The following ZNF804B variants were observed in gnomAD, a reference collection of about 807,000 sequenced individuals.
ZNF804B encodes zinc finger protein 804B.
In ZNF804B, 80 loss-of-function variants were observed where a neutral mutation model predicts 101.4. That is an observed-to-expected ratio of 0.79 (90% CI 0.66 to 0.95). The LOEUF (loss-of-function observed/expected upper bound fraction) is 0.95. ZNF804B is among the 40% of genes least tolerant of loss of function. The probability of loss-of-function intolerance (pLI) is 0.00; values close to 1 mark genes in which losing one functional copy is unlikely to be tolerated. For missense variants in ZNF804B, 1,673 were observed against 1,561.9 expected (o/e 1.07, Z -1.20); for synonymous variants, 622 against 558.8 (o/e 1.11, Z -1.59).
At chr7:88,779,518 A>C (rs947036043) in intron 1 of ZNF804B, among the ~76,000 whole-genome samples, 1 of 152,172 alleles carries the variant, frequency 6.6e-6, no homozygotes, top group Non-Finnish European at 1.5e-5. Context: ...TGCAGGAAGC[A>C]CTCACTATAT....
chr7:89,171,438 CCTT>C lies in ZNF804B; in HGVS notation c.109-46703_109-46701del, dbSNP rs200392935. On this transcript the variant is annotated intron_variant, in intron 1 of 3. Transcript: ENST00000333190. ...TTCTTCTCCTTCTCCTTCTCCTTCT[CCTT>C]CTTCTTCTTCTTCGACAGAGTCTTC... Among the ~76,000 whole-genome samples the C allele has an allele frequency of 9.2e-3, 1,293 of 140,760 alleles. 25 individuals carry two copies. The highest frequency in any genetic ancestry group is 0.022 in the Middle Eastern group (6 of 274). 92.3% of individuals were successfully genotyped at this position (140,760 alleles called of 152,430 possible).
In ZNF804B at chr7:89,336,848, C is replaced by G; in HGVS notation, c.3866C>G (p.Thr1289Arg). The G allele has an allele frequency of 6.2e-7, 1 of 1,614,118 alleles. No homozygotes were observed. The highest frequency in any genetic ancestry group is 8.5e-7 in the Non-Finnish European group (1 of 1,180,006). The change falls in exon 4 of 4, where the codon ACA (threonine) becomes AGA (arginine). Residue 1289 changes from threonine to arginine, a missense_variant. Thr to Arg is a moderately conservative substitution (Grantham distance 71). Transcript: ENST00000333190. ...SHITLQPLPPTAFIPTLFGPH... is the reference protein window; with the variant it reads ...SHITLQPLPPRAFIPTLFGPH... ...ATAACACTTCAGCCTCTGCCCCCTA[C>G]AGCATTTATTCCTACATTGTTTGGT...
chr7:89,050,458 A>G (rs1030865877), intron 1 of ZNF804B, among the ~76,000 whole-genome samples: 3 of 152,176 alleles, frequency 2.0e-5, no homozygotes, highest in Non-Finnish European at 2.9e-5. Flanking sequence ...TGCTTGCTGT[A>G]TGGTTAGTGG....
chr7:89,335,662 G>A lies in ZNF804B; in HGVS notation c.2680G>A (p.Gly894Arg), dbSNP rs377052292. The A allele has an allele frequency of 4.3e-6, 7 of 1,613,978 alleles. No homozygotes were observed. The highest frequency in any genetic ancestry group is 1.7e-5 in the Admixed American group (1 of 59,938). Reference sequence around the variant, plus strand: ...AGTCAGGCCCATGAAGTGTAACTCCGGGAATATCAGCTGCCTTCTAAAGAA... The same window carrying A: ...AGTCAGGCCCATGAAGTGTAACTCCAGGAATATCAGCTGCCTTCTAAAGAA... Reference protein sequence around the residue: ...GKVRPMKCNSGNISCLLKNCS... With the variant: ...GKVRPMKCNSRNISCLLKNCS... Residue 894 changes from glycine (G) to arginine (R), a missense_variant, in exon 4 of 4, where the codon GGG (glycine) becomes AGG (arginine). Gly to Arg is a moderately radical substitution (Grantham distance 125, BLOSUM62 -2). Coordinates refer to ENST00000333190, the MANE Select transcript of ZNF804B (RefSeq NM_181646.5).
At chr7:88,863,675 G>T (rs1791683430) in intron 1 of ZNF804B, among the ~76,000 whole-genome samples, 1 of 152,204 alleles carries the variant, frequency 6.6e-6, no homozygotes, top group African/African-American at 2.4e-5. Flanking sequence ...GGGTTATTTA[G>T]AGTGGATATC....
At chr7:88,977,664 T>C (rs936449415) in intron 1 of ZNF804B, among the ~76,000 whole-genome samples, 2 of 151,540 alleles carry the variant, frequency 1.3e-5, no homozygotes, top group East Asian at 3.9e-4. Flanking sequence ...GTTTTGGCAA[T>C]TGTGTTTTTC....
At chr7:88,946,394 T>A (rs1259781857) in intron 1 of ZNF804B, among the ~76,000 whole-genome samples, 5 of 151,994 alleles carry the variant, frequency 3.3e-5, no homozygotes, top group Non-Finnish European at 7.4e-5. Flanking sequence ...ATGCATTACA[T>A]TTATTGATTT....
intron 1 of ZNF804B, among the ~76,000 whole-genome samples, chr7:88,994,233 C>G (rs934531717): frequency 1.3e-5 from 2 of 151,912 alleles, no homozygotes; most frequent in African/African-American, 4.8e-5. Context: ...CTAATGCTTT[C>G]AGTTCTAGAA....
At chr7:89,048,253 G>A (rs1789144673) in intron 1 of ZNF804B, among the ~76,000 whole-genome samples, 1 of 151,306 alleles carries the variant, frequency 6.6e-6, no homozygotes, top group Non-Finnish European at 1.5e-5. Flanking sequence ...CTGTAAAAAG[G>A]AATGAATTAA....
At position 89,212,252 on chromosome 7, in the gene ZNF804B, T is replaced by TACAC. The variant is rs67535390; in HGVS notation, c.109-5869_109-5866dup. Among the ~76,000 whole-genome samples the TACAC allele has an allele frequency of 6.9e-3, 603 of 87,164 alleles. 4 individuals are homozygous for TACAC. Among genetic ancestry groups the TACAC allele is most frequent in the African/African-American group, 0.021 (442 of 20,858 alleles). The allele number at this position is 87,164 out of a possible 152,430, so 57.2% of individuals were successfully genotyped here. On this transcript the variant is annotated intron_variant, in intron 1 of 3. Transcript: ENST00000333190. ...TTATAGTGTCACATGCATTCAGTGA[T>TACAC]ACACACACACACACACACACACACA...
At chr7:88,927,785 A>G (rs539478749) in intron 1 of ZNF804B, among the ~76,000 whole-genome samples, 1 of 152,028 alleles carries the variant, frequency 6.6e-6, no homozygotes, top group Non-Finnish European at 1.5e-5. Context: ...TCACAGTTAT[A>G]TCCTCATTAT....
intron 1 of ZNF804B, among the ~76,000 whole-genome samples, chr7:88,887,693 A>T (rs1792149290): frequency 6.6e-6 from 1 of 152,018 alleles, no homozygotes; most frequent in South Asian, 2.1e-4. Context: ...TCATAATTAT[A>T]TTATGCCCAG....
intron 2 of ZNF804B, among the ~76,000 whole-genome samples, chr7:89,299,647 T>C (rs1279623023): frequency 1.3e-5 from 2 of 152,194 alleles, no homozygotes; most frequent in East Asian, 1.9e-4. Flanking sequence ...ACTTTGGGAA[T>C]ATCTAGTTTT....
chr7:89,211,180 T>C (rs1164261314), intron 1 of ZNF804B, among the ~76,000 whole-genome samples: 1 of 152,200 alleles, frequency 6.6e-6, no homozygotes, highest in African/African-American at 2.4e-5. Context: ...GCCCACTTTT[T>C]AATAGGGTTG....
At chr7:89,065,829 C>T (rs1789448118) in intron 1 of ZNF804B, among the ~76,000 whole-genome samples, 1 of 152,126 alleles carries the variant, frequency 6.6e-6, no homozygotes, top group Non-Finnish European at 1.5e-5. Context: ...TCCCTCCGAT[C>T]TCCTGCCTCC....
intron 1 of ZNF804B, among the ~76,000 whole-genome samples, chr7:88,864,340 T>G (rs887522878): frequency 2.6e-5 from 4 of 152,214 alleles, no homozygotes; most frequent in African/African-American, 9.6e-5. Context: ...ATTTTTGTCT[T>G]GGTCAAGGTT....
intron 2 of ZNF804B, among the ~76,000 whole-genome samples, chr7:89,320,817 AG>A (rs1489761129): frequency 3.3e-5 from 5 of 152,274 alleles, no homozygotes; most frequent in African/African-American, 1.2e-4. Context: ...ATAAGAAGAT[AG>A]CAGACATTTT....
chr7:88,987,683 A>G (rs904482326), intron 1 of ZNF804B, among the ~76,000 whole-genome samples: 1 of 152,126 alleles, frequency 6.6e-6, no homozygotes, highest in Non-Finnish European at 1.5e-5. Flanking sequence ...TGATACAAGC[A>G]TACAATGTGT....
At chr7:89,174,226 C>T (rs1206915303) in intron 1 of ZNF804B, among the ~76,000 whole-genome samples, 2 of 152,000 alleles carry the variant, frequency 1.3e-5, no homozygotes, top group African/African-American at 4.8e-5. Context: ...ACAATCTCCA[C>T]TTACTCTCAT....
Sources: allele counts gnomAD v4.1 joint callset (sites outside exome capture counted in the v4.1 genomes callset), GRCh38; gene constraint gnomAD v4.1.1; transcripts MANE v1.5; gene names NCBI Gene and HGNC (gene_info 2026-07-23, HGNC 2026-07-21).